Variants in ATP8A2 observed in about 807,000 individuals in gnomAD.
ATP8A2 encodes phospholipid-transporting ATPase IB.
ATP8A2 carries 100 observed loss-of-function variants against 165.6 expected under a neutral mutation model. The observed-to-expected ratio is 0.60, with a 90% confidence interval of 0.51 to 0.71. The LOEUF is 0.71. ATP8A2 is among the 30% of genes least tolerant of loss of function. ATP8A2 has a pLI of 0.00. For synonymous variants in ATP8A2, 543 were observed against 548.8 expected, an observed-to-expected ratio of 0.99 and a Z score of 0.15; for missense variants, 1,227 against 1,479.5, an observed-to-expected ratio of 0.83 and a Z score of 2.80.
At chr13:25,531,815 T>A (rs536864815) in intron 4 of ATP8A2, among the ~76,000 whole-genome samples, 1 of 152,226 alleles carries the variant, frequency 6.6e-6, no homozygotes, top group African/African-American at 2.4e-5. Context: ...TAGACTTGGG[T>A]CCCATCCCAG....
In ATP8A2 at chr13:25,564,027, G is replaced by A. The variant is rs201904651; in HGVS notation, c.1469G>A (p.Arg490His). The A allele has an allele frequency of 2.1e-4, 339 of 1,609,716 alleles. No individual in the cohort carries two copies. The African/African-American group carries it at 3.4e-3, about 16-fold the overall frequency. The change falls in exon 16 of 37, where the codon CGC becomes CAC. Residue 490 changes from arginine to histidine, a missense_variant. Coordinates refer to ENST00000381655, the MANE Select transcript of ATP8A2 (RefSeq NM_016529.6). ...AGGCTGTTGAAGAACATTGAGGATCGCCATGTAAGTGCTCTGTTTTACTTC... is the reference window on the plus strand; with the variant it reads ...AGGCTGTTGAAGAACATTGAGGATCACCATGTAAGTGCTCTGTTTTACTTC... ...DPRLLKNIED[R>H]HPTAPCIQEF...
chr13:25,395,112 A>G (rs969614927), intron 1 of ATP8A2, among the ~76,000 whole-genome samples: 1 of 152,170 alleles, frequency 6.6e-6, no homozygotes, highest in Non-Finnish European at 1.5e-5. Flanking sequence ...TAAAATTTGC[A>G]TGTCTTTTCT....
intron 33 of ATP8A2, among the ~76,000 whole-genome samples, chr13:25,919,344 T>G (rs545247540): frequency 1.4e-3 from 209 of 152,292 alleles, no homozygotes; most frequent in African/African-American, 4.8e-3. Flanking sequence ...TTAGAATTGG[T>G]GTGATTCTTA....
intron 24 of ATP8A2, among the ~76,000 whole-genome samples, chr13:25,669,675 TCC>T (rs1335668703): frequency 2.0e-5 from 3 of 152,184 alleles, no homozygotes. Context: ...TTTTGGTCTG[TCC>T]CTTACTAGTT....
At chr13:25,519,838 C>G (rs1030549301) in intron 2 of ATP8A2, among the ~76,000 whole-genome samples, 1 of 152,182 alleles carries the variant, frequency 6.6e-6, no homozygotes, top group Non-Finnish European at 1.5e-5. Context: ...TTCTGTCATT[C>G]ACCCATTTAC....
intron 1 of ATP8A2, among the ~76,000 whole-genome samples, chr13:25,387,994 C>T (rs948250615): frequency 6.6e-6 from 1 of 151,604 alleles, no homozygotes; most frequent in Non-Finnish European, 1.5e-5. Flanking sequence ...GCCTGGGAGG[C>T]AGAGGCTGTG....
intron 1 of ATP8A2, among the ~76,000 whole-genome samples, chr13:25,454,518 C>T (rs867024610): frequency 3.3e-5 from 5 of 152,066 alleles, no homozygotes; most frequent in African/African-American, 4.8e-5. Flanking sequence ...GTGACAGAAA[C>T]GAGAGAAGCA....
At chr13:25,661,342 G>T (rs113885000) in intron 24 of ATP8A2, among the ~76,000 whole-genome samples, 1 of 152,144 alleles carries the variant, frequency 6.6e-6, no homozygotes, top group South Asian at 2.1e-4. Flanking sequence ...ATTATTAAAG[G>T]TCAAAATTAT....
intron 35 of ATP8A2, among the ~76,000 whole-genome samples, chr13:25,975,296 G>A (rs988549514): frequency 3.3e-5 from 5 of 152,106 alleles, no homozygotes; most frequent in Non-Finnish European, 5.9e-5. Context: ...ATTTTCGACC[G>A]GTTGCGGTGG....
At chr13:25,401,932 C>G (rs983899778) in intron 1 of ATP8A2, among the ~76,000 whole-genome samples, 1 of 152,030 alleles carries the variant, frequency 6.6e-6, no homozygotes, top group African/African-American at 2.4e-5. Flanking sequence ...TCATAGCTCT[C>G]TATAGCCTTG....
intron 1 of ATP8A2, among the ~76,000 whole-genome samples, chr13:25,394,159 A>G (rs2033341322): frequency 6.6e-6 from 1 of 151,666 alleles, no homozygotes; most frequent in Non-Finnish European, 1.5e-5. Context: ...GGATGGTTTC[A>G]GTATTTTAGG....
At chr13:25,959,628 A>G (rs993808188) in intron 33 of ATP8A2, among the ~76,000 whole-genome samples, 2 of 152,080 alleles carry the variant, frequency 1.3e-5, no homozygotes, top group African/African-American at 2.4e-5. Flanking sequence ...ACCATGACAG[A>G]TCCTCTATGA....
intron 27 of ATP8A2, among the ~76,000 whole-genome samples, chr13:25,797,141 A>C (rs1365231113): frequency 6.6e-6 from 1 of 152,024 alleles, no homozygotes; most frequent in Non-Finnish European, 1.5e-5. Flanking sequence ...GGTGGCACAC[A>C]CCTGTAATCC....
At chr13:25,640,373 G>T (rs968599483) in intron 24 of ATP8A2, among the ~76,000 whole-genome samples, 2 of 151,152 alleles carry the variant, frequency 1.3e-5, no homozygotes, top group African/African-American at 4.9e-5. Context: ...TAATAAAGAA[G>T]AAAAGAGAGA....
intron 24 of ATP8A2, among the ~76,000 whole-genome samples, chr13:25,651,439 CAA>C (rs201232779): frequency 0.032 from 4,456 of 141,006 alleles, 124 homozygotes; most frequent in East Asian, 0.13. Context: ...GAGACTGTTT[CAA>C]AAAAAAAAAA....
At chr13:25,784,190 A>AT (rs58287740) in intron 27 of ATP8A2, among the ~76,000 whole-genome samples, 152,303 of 152,304 alleles carry the variant, frequency 1, 76,151 homozygotes, top group Non-Finnish European at 1. Flanking sequence ...TGGTTTAAAA[A>AT]GGAGTCTTTG....
At chr13:25,492,905 C>T (rs574975084) in intron 2 of ATP8A2, among the ~76,000 whole-genome samples, 4 of 152,284 alleles carry the variant, frequency 2.6e-5, no homozygotes, top group East Asian at 3.9e-4. Context: ...ATGTGGGGTC[C>T]GTTCCCTGTT....
At chr13:25,767,150 T>TA (rs1268595940) in intron 25 of ATP8A2, among the ~76,000 whole-genome samples, 3 of 152,238 alleles carry the variant, frequency 2.0e-5, no homozygotes, top group Non-Finnish European at 4.4e-5. Flanking sequence ...TGTAGCCAGT[T>TA]ACAGTTGTGG....
At chr13:25,651,318 T>C (rs141458633) in intron 24 of ATP8A2, among the ~76,000 whole-genome samples, 5,240 of 152,020 alleles carry the variant, frequency 0.034, 158 homozygotes, top group East Asian at 0.13. Flanking sequence ...TGGCGTATGC[T>C]TGTAGTCCCA....
Sources: gnomAD v4.1 joint callset for allele counts (sites outside exome capture counted in the v4.1 genomes callset) on GRCh38, gnomAD v4.1.1 for gene constraint, MANE v1.5 for transcripts, NCBI Gene and HGNC (gene_info 2026-07-23, HGNC 2026-07-21) for gene names.